TRIM8: variants seen among roughly 807,000 people sequenced by gnomAD.
TRIM8 encodes tripartite motif containing 8.
Under a neutral mutation model 55.7 loss-of-function variants are expected in TRIM8, and 9 were observed. The ratio of observed to expected loss-of-function variants is 0.16; its 90% confidence interval spans 0.10 to 0.28. TRIM8 has a LOEUF of 0.28. Ranked by LOEUF, TRIM8 falls within the 10% of genes least tolerant of loss-of-function variation. TRIM8 has a pLI of 1.00. For missense variants in TRIM8, 556 were observed against 736.4 expected (o/e 0.76, Z 2.83); for synonymous variants, 335 against 333.3 (o/e 1.01, Z -0.06).
At chr10:102,655,414 G>T in intron 3 of TRIM8, 101 bp downstream of exon 3, 6 of 1,120,506 alleles carry the variant, frequency 5.4e-6, no homozygotes, top group Non-Finnish European at 7.8e-6. Context: ...CTTACCTTTG[G>T]AGCCAGCATG....
At position 102,655,090 on chromosome 10, in the gene TRIM8, A is replaced by T; in HGVS notation, c.677A>T (p.Asn226Ile). The T allele has an allele frequency of 1.9e-6, 3 of 1,612,624 alleles. No individual in the cohort carries two copies. The highest frequency in any genetic ancestry group is 2.5e-6 in the Non-Finnish European group (3 of 1,179,594). ...CCTCTGTACTCGCAGGAGAAAGTGAACCAACTGAAGGAGGAAGTTCGGCTG... is the reference window on the plus strand; with the variant it reads ...CCTCTGTACTCGCAGGAGAAAGTGATCCAACTGAAGGAGGAAGTTCGGCTG... ...SDKRLVEEKV[N>I]QLKEEVRLQY... The change falls in exon 3 of 6, where the codon AAC becomes ATC. Residue 226 changes from asparagine (N) to isoleucine (I), a missense_variant. This residue lies in a region of TRIM8 where 391 missense variants were observed against 441.0 expected (regional missense o/e 0.89). Coordinates refer to ENST00000643721, the MANE Select transcript of TRIM8 (RefSeq NM_030912.3).
In TRIM8 at chr10:102,656,679, C is replaced by A; in HGVS notation, c.1049-68C>A. On this transcript the variant is annotated intron_variant, in intron 5 of 5. Coordinates refer to ENST00000643721, the MANE Select transcript of TRIM8 (RefSeq NM_030912.3). This position sits in a 1 kb window ranked among gnomAD's most constrained non-coding sequence, Gnocchi z 4.6. ...AGGTGTCAATGGTCCCCAGGTCCAA[C>A]CCAGGGAGAGGAGGCCTGGGTTGCT... 1 of 1,506,042 alleles carries A rather than the reference C, an allele frequency of 6.6e-7. No homozygotes were observed. The highest frequency in any genetic ancestry group is 2.5e-4 in the Middle Eastern group (1 of 3,958). The allele number at this position is 1,506,042 out of a possible 1,614,324, so 93.3% of individuals were successfully genotyped here.
At position 102,657,208 on chromosome 10, in the gene TRIM8, C is replaced by A. The variant is rs368262059; in HGVS notation, c.1510C>A (p.His504Asn). Reference sequence around the variant, plus strand: ...GACAGTGCCCTCGCAGGAGTACTCACACCCGCTCCCGCCCACACCCTCCGT... The same window carrying A: ...GACAGTGCCCTCGCAGGAGTACTCAAACCCGCTCCCGCCCACACCCTCCGT... ...PWTVPSQEYS[H>N]PLPPTPSVPQ... is the part of the protein sequence containing the mutation. Residue 504 changes from histidine (H) to asparagine (N), a missense_variant, in exon 6 of 6, where the codon CAC becomes AAC. Coordinates refer to ENST00000643721, the MANE Select transcript of TRIM8 (RefSeq NM_030912.3). 80 of 1,613,876 alleles carry A rather than the reference C, an allele frequency of 5.0e-5. No individual in the cohort carries two copies. The highest frequency in any genetic ancestry group is 6.7e-5 in the Non-Finnish European group (79 of 1,179,970).
intron 1 of TRIM8, among the ~76,000 whole-genome samples, chr10:102,650,739 C>T (rs2063977821): frequency 6.6e-6 from 1 of 152,152 alleles, no homozygotes; most frequent in South Asian, 2.1e-4. Context: ...ATGGGTTTTT[C>T]CCAGGTGGGA....
chr10:102,657,938 C>T lies in TRIM8; in HGVS notation c.*584C>T, dbSNP rs1043605022. On this transcript the variant is annotated 3_prime_UTR_variant, in exon 6 of 6. Transcript: ENST00000643721. ...ATCTTCCCAGACGGAGTTCAAAGGC[C>T]ACTTCTCAAGCAGCTTTTGGCACCT... The T allele has an allele frequency of 9.8e-5, 15 of 152,474 alleles. No individual in the cohort carries two copies. Among genetic ancestry groups the T allele is most frequent in the African/African-American group, 3.1e-4 (13 of 41,362 alleles). The allele number at this position is 152,474 out of a possible 1,614,324, so 9.4% of individuals were successfully genotyped here. A position where few individuals can be genotyped will look rare whatever the true frequency, so the allele number is the denominator to read the frequency against.
chr10:102,651,127 C>A (rs1303945012), intron 1 of TRIM8, among the ~76,000 whole-genome samples: 1 of 152,194 alleles, frequency 6.6e-6, no homozygotes, highest in African/African-American at 2.4e-5. Flanking sequence ...CTCACTCCAA[C>A]CCCTGCAGCA....
Position 102,657,228 on chromosome 10 carries a change from C to T in TRIM8, c.1530C>T (p.Pro510=), listed in dbSNP as rs757684870. ...QEYSHPLPPT[P]SVPQSLPSLA... is the part of the protein sequence containing the mutation. Reference sequence around the variant, plus strand: ...ACTCACACCCGCTCCCGCCCACACCCTCCGTCCCCCAGTCCCTTCCCAGCC... The same window carrying T: ...ACTCACACCCGCTCCCGCCCACACCTTCCGTCCCCCAGTCCCTTCCCAGCC... The change falls in exon 6 of 6, where the codon CCC becomes CCT. Residue 510 remains proline, a synonymous_variant. Transcript: ENST00000643721. The T allele has an allele frequency of 1.5e-5, 25 of 1,614,062 alleles. No individual in the cohort carries two copies. Among genetic ancestry groups the T allele is most frequent in the Non-Finnish European group, 2.0e-5 (24 of 1,179,978 alleles).
chr10:102,656,936 G>A lies in TRIM8; in HGVS notation c.1238G>A (p.Gly413Glu). ...ACAGCCAGCGGTGAGGGCCAGTCTGGGCAGCCCCTGGGGCCCTGCAGCTCC... is the reference window on the plus strand; with the variant it reads ...ACAGCCAGCGGTGAGGGCCAGTCTGAGCAGCCCCTGGGGCCCTGCAGCTCC... ...AGTASGEGQS[G>E]QPLGPCSSTQ... Residue 413 changes from glycine (G) to glutamate (E), a missense_variant, in exon 6 of 6, where the codon GGG becomes GAG. Physicochemically the swap from Gly to Glu is moderately conservative, Grantham distance 98. Coordinates refer to ENST00000643721, the MANE Select transcript of TRIM8 (RefSeq NM_030912.3). The surrounding 1 kb of genome is among the most constrained non-coding windows in gnomAD (Gnocchi z 4.6). The A allele has an allele frequency of 1.2e-6, 2 of 1,608,996 alleles. No individual in the cohort carries two copies. Among genetic ancestry groups the A allele is most frequent in the Non-Finnish European group, 1.7e-6 (2 of 1,177,412 alleles).
At position 102,656,601 on chromosome 10, in the gene TRIM8, T is replaced by C. The variant is rs1182224870; in HGVS notation, c.1049-146T>C. ...AGTGGGGATATAACTATTCTGTACCTCCTAATGGTAGAGGAGCAAGCATCA... is the reference window on the plus strand; with the variant it reads ...AGTGGGGATATAACTATTCTGTACCCCCTAATGGTAGAGGAGCAAGCATCA... On this transcript the variant is annotated intron_variant, in intron 5 of 5. Coordinates refer to ENST00000643721, the MANE Select transcript of TRIM8 (RefSeq NM_030912.3). The surrounding 1 kb of genome is among the most constrained non-coding windows in gnomAD (Gnocchi z 4.6). 2.2e-6 allele frequency: 3 copies of C among 1,364,206 alleles called. No individual in the cohort carries two copies. Among genetic ancestry groups the C allele is most frequent in the Non-Finnish European group, 3.0e-6 (3 of 1,009,806 alleles). The allele number at this position is 1,364,206 out of a possible 1,614,324, so 84.5% of individuals were successfully genotyped here. A position where few individuals can be genotyped will look rare whatever the true frequency, so the allele number is the denominator to read the frequency against.
At chr10:102,647,084 GT>G (rs2063942440) in intron 1 of TRIM8, among the ~76,000 whole-genome samples, 1 of 152,228 alleles carries the variant, frequency 6.6e-6, no homozygotes, top group Non-Finnish European at 1.5e-5. Flanking sequence ...TGTCTCTACA[GT>G]TCAGGGCACA....
rs1276195158 is a variant in TRIM8, at chr10:102,656,519, G to A, written c.1048+134G>A. 3.5e-6 allele frequency: 5 copies of A among 1,414,334 alleles called. No homozygotes were observed. In the African/African-American group the frequency reaches 7.2e-5, roughly 20 times the overall value. 87.6% of individuals were successfully genotyped at this position (1,414,334 alleles called of 1,614,324 possible). A position where few individuals can be genotyped will look rare whatever the true frequency, so the allele number is the denominator to read the frequency against. On this transcript the variant is annotated intron_variant, in intron 5 of 5. Transcript: ENST00000643721. This position sits in a 1 kb window ranked among gnomAD's most constrained non-coding sequence, Gnocchi z 4.6. ...TCATATCCAGGCTTTGCCACTTGTA[G>A]CTGTGGGACAGTGGGTAAGCAACAT...
In TRIM8 at chr10:102,654,907, C is replaced by T. The variant is rs558656929; in HGVS notation, c.666+159C>T. On this transcript the variant is annotated intron_variant, in intron 2 of 5. Transcript: ENST00000643721. Reference sequence around the variant, plus strand: ...GGATGCCCACTGGTGCCAGGGGATGCTGGCCCAGAGCCCTGTGCTACCAGT... The same window carrying T: ...GGATGCCCACTGGTGCCAGGGGATGTTGGCCCAGAGCCCTGTGCTACCAGT... 61 of 927,252 alleles carry T rather than the reference C, an allele frequency of 6.6e-5. 1 individual carries two copies. In the East Asian group the frequency reaches 1.6e-3, roughly 24 times the overall value. 57.4% of individuals were successfully genotyped at this position (927,252 alleles called of 1,614,324 possible). A position where few individuals can be genotyped will look rare whatever the true frequency, so the allele number is the denominator to read the frequency against.
chr10:102,656,079 G>T lies in TRIM8; in HGVS notation c.901-27G>T. On this transcript the variant is annotated intron_variant, in intron 3 of 5. Coordinates refer to ENST00000643721, the MANE Select transcript of TRIM8 (RefSeq NM_030912.3). This position sits in a 1 kb window ranked among gnomAD's most constrained non-coding sequence, Gnocchi z 4.6. The stretch of plus-strand genomic sequence containing the variant: ...CTCTCCCTGGACTGCCTTTTCCACT[G>T]ACTTGACTCTTTTCTCTCCCCAACA... 6.2e-7 allele frequency: 1 copy of T among 1,613,904 alleles called. No homozygotes were observed. Among genetic ancestry groups the T allele is most frequent in the South Asian group, 1.1e-5 (1 of 91,056 alleles).
intron 1 of TRIM8, among the ~76,000 whole-genome samples, chr10:102,650,979 C>T (rs17783771): frequency 0.23 from 34,987 of 152,046 alleles, 4,916 homozygotes; most frequent in Non-Finnish European, 0.3. Flanking sequence ...AGGCTTGAAG[C>T]GGCAGCAGCT....
At chr10:102,651,204 G>C (rs906177151) in intron 1 of TRIM8, among the ~76,000 whole-genome samples, 14 of 152,236 alleles carry the variant, frequency 9.2e-5, no homozygotes, top group Non-Finnish European at 5.9e-5. Context: ...GCTAGGGACT[G>C]TGTGGCCTGG....
chr10:102,645,236 G>C (rs1368696666), intron 1 of TRIM8, 49 bp downstream of exon 1: 1 of 1,453,976 alleles, frequency 6.9e-7, no homozygotes, highest in East Asian at 2.5e-5. Context: ...CAGACACACA[G>C]TCCCTTCCTC....
In TRIM8 at chr10:102,644,884, G is replaced by A. The variant is rs543231062; in HGVS notation, c.267G>A (p.Ala89=). ...TGCACGTGGAGAAGCCGCCGGCGGC[G>A]CTGCACTGCGTGTTCTGCCGCCGCG... ...NALHVEKPPA[A]LHCVFCRRGP... is the part of the protein sequence containing the mutation. The change falls in exon 1 of 6, where the codon GCG becomes GCA. Residue 89 remains alanine (A), a synonymous_variant. Coordinates refer to ENST00000643721, the MANE Select transcript of TRIM8 (RefSeq NM_030912.3). 35 of 1,611,100 alleles carry A rather than the reference G, an allele frequency of 2.2e-5. No individual in the cohort carries two copies. The highest frequency in any genetic ancestry group is 1.8e-4 in the Admixed American group (11 of 59,894).
chr10:102,656,209 A>C lies in TRIM8; in HGVS notation c.933-61A>C. On this transcript the variant is annotated intron_variant, in intron 4 of 5. Coordinates refer to ENST00000643721, the MANE Select transcript of TRIM8 (RefSeq NM_030912.3). This position sits in a 1 kb window ranked among gnomAD's most constrained non-coding sequence, Gnocchi z 4.6. ...CAGGGGGGCCAGGCCCATGGCGGGG[A>C]GGTAGGGCGGGCTCACCGGTGATGC... 1 of 1,613,844 alleles carries C rather than the reference A, an allele frequency of 6.2e-7. No individual in the cohort carries two copies. Among genetic ancestry groups the C allele is most frequent in the South Asian group, 1.1e-5 (1 of 91,062 alleles).
In TRIM8 at chr10:102,656,655, G is replaced by A. The variant is rs1261718310; in HGVS notation, c.1049-92G>A. On this transcript the variant is annotated intron_variant, in intron 5 of 5. Coordinates refer to ENST00000643721, the MANE Select transcript of TRIM8 (RefSeq NM_030912.3). This position sits in a 1 kb window ranked among gnomAD's most constrained non-coding sequence, Gnocchi z 4.6. ...GAGATGTAACATTCTTGGGCCTCTAGGTGTCAATGGTCCCCAGGTCCAACC... is the reference window on the plus strand; with the variant it reads ...GAGATGTAACATTCTTGGGCCTCTAAGTGTCAATGGTCCCCAGGTCCAACC... 2.0e-6 allele frequency: 3 copies of A among 1,500,084 alleles called. No individual in the cohort carries two copies. Among genetic ancestry groups the A allele is most frequent in the Non-Finnish European group, 2.7e-6 (3 of 1,123,996 alleles). 92.9% of individuals were successfully genotyped at this position (1,500,084 alleles called of 1,614,324 possible).
Sources: gnomAD v4.1 joint callset for allele counts (sites outside exome capture counted in the v4.1 genomes callset) on GRCh38, gnomAD v4.1.1 for gene constraint, gnomAD v4.1.1 regional missense constraint, Gnocchi (gnomAD v3.1) non-coding constraint, MANE v1.5 for transcripts, NCBI Gene and HGNC (gene_info 2026-07-23, HGNC 2026-07-21) for gene names.